The following ANKRD36C variants were observed in gnomAD, a reference collection of about 807,000 sequenced individuals.
ANKRD36C encodes ankyrin repeat domain 36C.
A neutral mutation model predicts 276.4 loss-of-function variants in ANKRD36C; 61 were observed. That is an observed-to-expected ratio of 0.22 (90% CI 0.18 to 0.27). ANKRD36C has a LOEUF of 0.27. Ranked by LOEUF, ANKRD36C falls within the 10% of genes least tolerant of loss-of-function variation. ANKRD36C has a pLI of 1.00. For missense variants in ANKRD36C, 1,447 were observed against 2,032.3 expected, an observed-to-expected ratio of 0.71 and a Z score of 5.54; for synonymous variants, 483 against 680.1, an observed-to-expected ratio of 0.71 and a Z score of 4.51.
At chr2:95,894,077 C>G (rs536669188) in intron 44 of ANKRD36C, 1 of 327,788 alleles carries the variant, frequency 3.1e-6, no homozygotes, top group African/African-American at 2.1e-5. Context: ...AAAGCAGGTG[C>G]TACATGATCC....
At chr2:95,988,164 AC>A (rs1679071109) in intron 1 of ANKRD36C, among the ~76,000 whole-genome samples, 1 of 151,112 alleles carries the variant, frequency 6.6e-6, no homozygotes, top group African/African-American at 2.4e-5. Context: ...AAAAAAAAAA[AC>A]AACAAATTTT....
At chr2:95,913,588 T>G (rs1414029117) in intron 40 of ANKRD36C, among the ~76,000 whole-genome samples, 1 of 151,302 alleles carries the variant, frequency 6.6e-6, no homozygotes, top group Non-Finnish European at 1.5e-5. Flanking sequence ...TTCACTCAGG[T>G]TTCCTCAGCA....
chr2:95,964,386 G>A (rs1041702511), intron 6 of ANKRD36C, among the ~76,000 whole-genome samples: 1 of 151,738 alleles, frequency 6.6e-6, no homozygotes. Flanking sequence ...CTAGCTAGCT[G>A]CTTTCTTTGT....
chr2:95,945,912 A>G (rs1678034294), intron 17 of ANKRD36C, among the ~76,000 whole-genome samples: 1 of 152,214 alleles, frequency 6.6e-6, no homozygotes, highest in Non-Finnish European at 1.5e-5. Flanking sequence ...GGAGGGAGAA[A>G]CAAACAAAAA....
intron 46 of ANKRD36C, among the ~76,000 whole-genome samples, chr2:95,890,652 C>G (rs1348346410): frequency 2.0e-5 from 3 of 151,468 alleles, no homozygotes; most frequent in Admixed American, 2.0e-4. Flanking sequence ...CTCTTGGCAC[C>G]AAAGGATAAT....
chr2:95,925,511 G>A lies in ANKRD36C; in HGVS notation c.1968+8C>T. On this transcript the variant is annotated splice_region_variant and intron_variant, in intron 29 of 66. Coordinates refer to ENST00000456556, the Ensembl canonical transcript of ANKRD36C. ...AATAATTCAAAATATAAATGAAAGA[G>A]TAACTACCTTCCAGGCTGATTGTTT... is the stretch of plus-strand genomic sequence containing the variant. 1.3e-6 allele frequency: 2 copies of A among 1,549,886 alleles called. No homozygotes were observed. Among genetic ancestry groups the A allele is most frequent in the South Asian group, 2.4e-5 (2 of 83,732 alleles).
chr2:95,889,946 A>T lies in ANKRD36C; in HGVS notation c.2886+20T>A. On this transcript the variant is annotated intron_variant, in intron 47 of 66. Transcript: ENST00000456556. ...GACTATACAGTTAATAGTTCAAAAT[A>T]TAAATGAGAGTTTAATTACCTTCAA... 6.2e-7 allele frequency: 1 copy of T among 1,609,942 alleles called. No individual in the cohort carries two copies. The highest frequency in any genetic ancestry group is 8.5e-7 in the Non-Finnish European group (1 of 1,177,398).
At chr2:95,902,721 G>C (rs982864343) in intron 42 of ANKRD36C, among the ~76,000 whole-genome samples, 165 bp downstream of exon 54, 4 of 150,258 alleles carry the variant, frequency 2.7e-5, no homozygotes, top group African/African-American at 4.9e-5. Flanking sequence ...TCATGTTCCA[G>C]ACCAGCATCA....
chr2:95,880,269 C>T (rs980356615), intron 58 of ANKRD36C, among the ~76,000 whole-genome samples, 158 bp downstream of exon 78: 1 of 152,202 alleles, frequency 6.6e-6, no homozygotes, highest in African/African-American at 2.4e-5. Flanking sequence ...ATGTAAATCT[C>T]ATTTTTGAAA....
Position 95,908,706 on chromosome 2 carries a change from TA to T in ANKRD36C, c.2653+3537del. On this transcript the variant is annotated intron_variant, in intron 42 of 66. Coordinates refer to ENST00000456556, the Ensembl canonical transcript of ANKRD36C. ...TGGTTGCTCAGAAGACACTGAAAAG[TA>T]AAAGGGATTCATAATCACTCATATG... The T allele has an allele frequency of 6.5e-7, 1 of 1,550,164 alleles. No homozygotes were observed. The highest frequency in any genetic ancestry group is 1.9e-5 in the Admixed American group (1 of 52,182).
chr2:95,917,837 T>A lies in ANKRD36C; in HGVS notation c.2347+18A>T. 6.3e-7 allele frequency: 1 copy of A among 1,587,222 alleles called. No homozygotes were observed. Among genetic ancestry groups the A allele is most frequent in the South Asian group, 1.1e-5 (1 of 88,498 alleles). ...TATCTGGATTGAACGTGACATTAAA[T>A]GTCTTTTGCAAAATTACCTGTCCCA... On this transcript the variant is annotated intron_variant, in intron 36 of 66. Transcript: ENST00000456556.
intron 6 of ANKRD36C, among the ~76,000 whole-genome samples, chr2:95,971,334 G>A (rs1678692415): frequency 7.2e-6 from 1 of 138,878 alleles, no homozygotes; most frequent in Non-Finnish European, 1.6e-5. Context: ...TGATTATTAT[G>A]ATGCAACAAT....
chr2:95,980,683 A>G (rs765974260), exon 5 of ANKRD36C: 4 of 1,612,776 alleles, frequency 2.5e-6, no homozygotes, highest in Non-Finnish European at 2.5e-6. Context: ...AATCTTCTGC[A>G]AGCTTTCCAT....
chr2:95,979,616 C>T (rs535721748), intron 5 of ANKRD36C, among the ~76,000 whole-genome samples: 4 of 151,994 alleles, frequency 2.6e-5, no homozygotes, highest in African/African-American at 7.2e-5. Flanking sequence ...GGCATGGAAG[C>T]TTCCACTACC....
At chr2:95,965,249 C>T (rs1678564510) in intron 6 of ANKRD36C, among the ~76,000 whole-genome samples, 1 of 151,936 alleles carries the variant, frequency 6.6e-6, no homozygotes, top group South Asian at 2.1e-4. Context: ...CACATTCACA[C>T]ACAAAAACCA....
intron 6 of ANKRD36C, among the ~76,000 whole-genome samples, chr2:95,966,982 T>C (rs1678605558): frequency 6.6e-6 from 1 of 152,194 alleles, no homozygotes. Flanking sequence ...TAGGAATGCT[T>C]GTGAATTTTG....
Position 95,921,832 on chromosome 2 carries a change from C to T in ANKRD36C, c.2144-22G>A, listed in dbSNP as rs1677280189. On this transcript the variant is annotated intron_variant, in intron 32 of 66. Coordinates refer to ENST00000456556, the Ensembl canonical transcript of ANKRD36C. ...GACACTGAAAAACAAAAGGGATAATCACTCATATGTAAATATGATACATTT... is the reference window on the plus strand; with the variant it reads ...GACACTGAAAAACAAAAGGGATAATTACTCATATGTAAATATGATACATTT... The T allele has an allele frequency of 3.8e-6, 6 of 1,589,996 alleles. No individual in the cohort carries two copies. In the East Asian group the frequency reaches 1.4e-4, roughly 36 times the overall value.
intron 3 of ANKRD36C, among the ~76,000 whole-genome samples, chr2:95,985,684 A>C (rs937664026): frequency 1.3e-5 from 2 of 152,210 alleles, no homozygotes; most frequent in African/African-American, 4.8e-5. Context: ...ACAGTTGATA[A>C]TCACTTCAGT....
chr2:95,968,379 G>C (rs1678634651), intron 6 of ANKRD36C, among the ~76,000 whole-genome samples: 2 of 152,090 alleles, frequency 1.3e-5, no homozygotes, highest in South Asian at 4.1e-4. Context: ...GTATAAAATA[G>C]TCATAATTCT....
Sources: allele counts gnomAD v4.1 joint callset (sites outside exome capture counted in the v4.1 genomes callset), GRCh38; gene constraint gnomAD v4.1.1; transcripts MANE v1.5; gene names NCBI Gene and HGNC (gene_info 2026-07-23, HGNC 2026-07-21).